The following SEL1L3 variants were observed in gnomAD, a reference collection of about 807,000 sequenced individuals.
SEL1L3 encodes the protein SEL1L family member 3.
In SEL1L3, 76 loss-of-function variants were observed where a neutral mutation model predicts 142.8. That is an observed-to-expected ratio of 0.53 (90% CI 0.44 to 0.64). The LOEUF is 0.64. Ranked by LOEUF, SEL1L3 falls within the 30% of genes least tolerant of loss-of-function variation. SEL1L3 has a pLI of 0.00. For synonymous variants in SEL1L3, 504 were observed against 519.6 expected (o/e 0.97, Z 0.41); for missense variants, 1,262 against 1,381.7 (o/e 0.91, Z 1.37).
intron 10 of SEL1L3, among the ~76,000 whole-genome samples, chr4:25,803,799 G>T (rs11726858): frequency 0.66 from 99,209 of 151,282 alleles, 32,736 homozygotes; most frequent in Middle Eastern, 0.76. Context: ...TTTTGTTGTT[G>T]TTTTGGTTTT....
At chr4:25,718,533 G>T in the SEL1L3 span, 2 of 152,184 alleles carry the variant, frequency 1.3e-5, no homozygotes, top group Admixed American at 1.3e-4. Flanking sequence ...AGCTTCAAGG[G>T]TCTGGATGAG....
chr4:25,748,200 A>G lies in SEL1L3; in HGVS notation c.*225T>C. The G allele has an allele frequency of 1.9e-6, 1 of 530,482 alleles. No homozygotes were observed. The highest frequency in any genetic ancestry group is 2.4e-5 in the South Asian group (1 of 42,366). 32.9% of individuals were successfully genotyped at this position (530,482 alleles called of 1,614,324 possible). On this transcript the variant is annotated 3_prime_UTR_variant, in exon 24 of 24. Transcript: ENST00000399878. ...AGTAAACTTCCCCACATGCCCTATG[A>G]TCAAGATGTTCCTTGTATGTGTTTG...
At chr4:25,742,300 C>T in the SEL1L3 span, among the ~76,000 whole-genome samples, 1 of 152,070 alleles carries the variant, frequency 6.6e-6, no homozygotes, top group Non-Finnish European at 1.5e-5. Context: ...ATTCTTCCAC[C>T]TCAGCCTCCC....
At chr4:25,804,442 A>G in intron 10 of SEL1L3, 99 bp downstream of exon 10, 1 of 853,448 alleles carries the variant, frequency 1.2e-6, no homozygotes, top group Non-Finnish European at 1.9e-6. Context: ...AAGGTCTCCA[A>G]GGAGCTGCAA....
chr4:25,821,924 T>C, intron 7 of SEL1L3, 72 bp downstream of exon 7: 1 of 1,490,124 alleles, frequency 6.7e-7, no homozygotes, highest in Non-Finnish European at 9.0e-7. Flanking sequence ...TTATTTACAC[T>C]GGGTGGCACA....
intron 20 of SEL1L3, among the ~76,000 whole-genome samples, chr4:25,762,231 G>A (rs1006879316): frequency 1.3e-5 from 2 of 152,240 alleles, no homozygotes; most frequent in African/African-American, 4.8e-5. Flanking sequence ...TTACAGGCAT[G>A]AGCCACTGTG....
At chr4:25,839,511 G>A (rs1716039319) in intron 2 of SEL1L3, among the ~76,000 whole-genome samples, 1 of 152,208 alleles carries the variant, frequency 6.6e-6, no homozygotes, top group Non-Finnish European at 1.5e-5. Flanking sequence ...TGAAAAGAAT[G>A]AGGTCGGCAG....
intron 1 of SEL1L3, among the ~76,000 whole-genome samples, chr4:25,860,818 T>C (rs1315986011): frequency 1.3e-5 from 2 of 152,208 alleles, no homozygotes; most frequent in African/African-American, 4.8e-5. Flanking sequence ...CAGTATTTTC[T>C]AAAATTACTC....
downstream of SEL1L3, among the ~76,000 whole-genome samples, chr4:25,744,256 C>T (rs1365033172): frequency 1.3e-5 from 2 of 151,786 alleles, no homozygotes; most frequent in Non-Finnish European, 2.9e-5. Flanking sequence ...GAAGTCCTAA[C>T]ACCGAGTACC....
chr4:25,765,212 C>T, intron 20 of SEL1L3, 114 bp downstream of exon 20: 3 of 709,632 alleles, frequency 4.2e-6, no homozygotes, highest in Non-Finnish European at 7.6e-6. Flanking sequence ...CAGGCTGGTC[C>T]CGAATTCCTG....
chr4:25,858,530 TTC>T (rs567798598), intron 1 of SEL1L3, among the ~76,000 whole-genome samples: 81 of 152,226 alleles, frequency 5.3e-4, no homozygotes, highest in Non-Finnish European at 1.1e-3. Flanking sequence ...CATGTATCTG[TTC>T]TGTTTTTTTG....
intron 13 of SEL1L3, among the ~76,000 whole-genome samples, chr4:25,785,498 T>C (rs1339666984): frequency 6.6e-6 from 1 of 152,232 alleles, no homozygotes; most frequent in Non-Finnish European, 1.5e-5. Flanking sequence ...CAGGATATGC[T>C]TGACTGTGTA....
Position 25,862,781 on chromosome 4 carries a change from G to T in SEL1L3, c.56C>A (p.Pro19Gln). 3 of 1,192,640 alleles carry T rather than the reference G, an allele frequency of 2.5e-6. No homozygotes were observed. Among genetic ancestry groups the T allele is most frequent in the Non-Finnish European group, 3.1e-6 (3 of 963,730 alleles). The allele number at this position is 1,192,640 out of a possible 1,614,324, so 73.9% of individuals were successfully genotyped here. A position where few individuals can be genotyped will look rare whatever the true frequency, so the allele number is the denominator to read the frequency against. Residue 19 changes from proline (P) to glutamine (Q), a missense_variant, in exon 1 of 24, where the codon CCG (proline) becomes CAG (glutamine). Pro to Gln is a moderately conservative substitution (Grantham distance 76). Around this residue, in one of 3 missense-constraint regions of SEL1L3, gnomAD observed 689 missense variants for 692.8 expected, o/e 0.99. Coordinates refer to ENST00000399878, the MANE Select transcript of SEL1L3 (RefSeq NM_015187.5). ...GWPRQQQQQP[P>Q]PLAVGPRAAA... ...GGCCCGGGGGCCGACCGCGAGCGGC[G>T]GGGGTTGCTGCTGCTGCTGCCGCGG...
At chr4:25,798,053 G>A (rs1382827939) in intron 11 of SEL1L3, among the ~76,000 whole-genome samples, 1 of 152,192 alleles carries the variant, frequency 6.6e-6, no homozygotes. Flanking sequence ...AAGGTCAGGA[G>A]GTGGGAACAG....
intron 17 of SEL1L3, among the ~76,000 whole-genome samples, chr4:25,772,426 A>T (rs1283611928): frequency 6.6e-6 from 1 of 152,168 alleles, no homozygotes; most frequent in East Asian, 1.9e-4. Flanking sequence ...AACAATTGAC[A>T]TTGTCTTGTA....
At chr4:25,775,838 T>A (rs1262470593) in intron 17 of SEL1L3, among the ~76,000 whole-genome samples, 1 of 152,142 alleles carries the variant, frequency 6.6e-6, no homozygotes, top group African/African-American at 2.4e-5. Context: ...CAGTAAAACA[T>A]CTATGGAAGA....
At chr4:25,791,202 T>A (rs922435974) in intron 11 of SEL1L3, among the ~76,000 whole-genome samples, 1 of 152,252 alleles carries the variant, frequency 6.6e-6, no homozygotes, top group African/African-American at 2.4e-5. Context: ...CCTGCATGAC[T>A]AACCTCTTTT....
chr4:25,793,723 T>C (rs1712517144), intron 11 of SEL1L3, among the ~76,000 whole-genome samples: 1 of 152,182 alleles, frequency 6.6e-6, no homozygotes, highest in African/African-American at 2.4e-5. Flanking sequence ...ATCCATAAAA[T>C]GGAGTTTAGT....
chr4:25,728,194 G>A, the SEL1L3 span, among the ~76,000 whole-genome samples: 1 of 152,134 alleles, frequency 6.6e-6, no homozygotes, highest in Admixed American at 6.5e-5. Context: ...CGTAAGTGAT[G>A]CTCAAGCTGT....
Sources: allele counts gnomAD v4.1 joint callset (sites outside exome capture counted in the v4.1 genomes callset), GRCh38; gene constraint gnomAD v4.1.1; regional missense constraint gnomAD v4.1.1; transcripts MANE v1.5; gene names NCBI Gene and HGNC (gene_info 2026-07-23, HGNC 2026-07-21).